Variants in GCNT4 observed in about 807,000 individuals in gnomAD.
The protein encoded by GCNT4 is glucosaminyl (N-acetyl) transferase 4.
Under a neutral mutation model 31.3 loss-of-function variants are expected in GCNT4, and 17 were observed. The ratio of observed to expected loss-of-function variants is 0.54; its 90% CI spans 0.37 to 0.81. GCNT4 has a LOEUF of 0.81. Ranked by LOEUF, GCNT4 falls within the 40% of genes least tolerant of loss-of-function variation. The pLI is 0.00. For synonymous variants in GCNT4, 158 were observed against 190.6 expected (o/e 0.83, Z 1.41); for missense variants, 503 against 525.5 (o/e 0.96, Z 0.42).
rs1041701406 is a variant in GCNT4, at chr5:75,027,269, A to G, written c.*1407T>C. On this transcript the variant is annotated 3_prime_UTR_variant, in exon 4 of 4. Transcript: ENST00000652361. ...TCCATTATATATATAATATATATTC[A>G]TTATATGTTATATAATATATATTTA... The G allele has an allele frequency of 2.1e-5, 3 of 140,894 alleles. No individual in the cohort carries two copies. The highest frequency in any genetic ancestry group is 3.1e-5 in the Non-Finnish European group (2 of 65,196). The allele number at this position is 140,894 out of a possible 1,614,324, so 8.7% of individuals were successfully genotyped here.
intron 3 of GCNT4, among the ~76,000 whole-genome samples, chr5:75,039,308 G>A (rs1436607008): frequency 6.6e-6 from 1 of 152,108 alleles, no homozygotes; most frequent in African/African-American, 2.4e-5. Context: ...TGGCCAGGTT[G>A]GTCTCGAACT....
At chr5:75,032,087 G>A (rs1351004691) in intron 3 of GCNT4, among the ~76,000 whole-genome samples, 3 of 151,980 alleles carry the variant, frequency 2.0e-5, no homozygotes, top group Admixed American at 1.3e-4. Context: ...ATTCACCTCC[G>A]CTTAAATCCC....
chr5:75,053,542 G>C (rs187177008), upstream of GCNT4, among the ~76,000 whole-genome samples: 68 of 152,228 alleles, frequency 4.5e-4, no homozygotes, highest in African/African-American at 1.1e-3. Flanking sequence ...CCCCGAACGC[G>C]GGGTCCGTGC....
rs748018611 is a variant in GCNT4, at chr5:75,028,949, C to A, written c.1089G>T (p.Gln363His). ...SRSAQDVSDL[Q>H]SKTRLVKWNY... is the part of the protein sequence containing the mutation. ...TCCACTTGACAAGGCGAGTCTTACT[C>A]TGCAGATCAGACACATCCTGGGCTG... Residue 363 changes from glutamine to histidine, a missense_variant, in exon 4 of 4, where the codon CAG becomes CAT. Physicochemically the swap from Gln to His is conservative, Grantham distance 24. Coordinates refer to ENST00000652361, the MANE Select transcript of GCNT4 (RefSeq NM_001366737.1). The A allele has an allele frequency of 6.2e-7, 1 of 1,613,938 alleles. No individual in the cohort carries two copies. Among genetic ancestry groups the A allele is most frequent in the African/African-American group, 1.3e-5 (1 of 75,034 alleles).
intron 2 of GCNT4, among the ~76,000 whole-genome samples, chr5:75,049,378 A>ATAAAGGTACCTT: frequency 6.6e-6 from 1 of 152,308 alleles, no homozygotes; most frequent in Non-Finnish European, 1.5e-5. Flanking sequence ...TTATCAAATG[A>ATAAAGGTACCTT]TATCTGGCTC....
intron 3 of GCNT4, among the ~76,000 whole-genome samples, chr5:75,044,734 T>C (rs537049997): frequency 6.6e-6 from 1 of 152,050 alleles, no homozygotes; most frequent in Admixed American, 6.6e-5. Context: ...TTCTGCGGGG[T>C]AGACTGGTAC....
chr5:75,032,490 A>C (rs1192630656), intron 3 of GCNT4, among the ~76,000 whole-genome samples: 2 of 152,082 alleles, frequency 1.3e-5, no homozygotes, highest in East Asian at 3.9e-4. Context: ...AGAGTTACCC[A>C]ACTTGTCCAT....
upstream of GCNT4, among the ~76,000 whole-genome samples, chr5:75,053,798 C>G (rs1743647110): frequency 6.6e-6 from 1 of 152,276 alleles, no homozygotes; most frequent in Non-Finnish European, 1.5e-5. Flanking sequence ...GGACAAAGTT[C>G]TCAGGCGCGC....
At chr5:75,024,652 C>A (rs1294393380), downstream of GCNT4, among the ~76,000 whole-genome samples, 1 of 152,118 alleles carries the variant, frequency 6.6e-6, no homozygotes, top group Admixed American at 6.5e-5. Context: ...ACAACCAAGG[C>A]AGGAGTCCTT....
intron 3 of GCNT4, among the ~76,000 whole-genome samples, chr5:75,038,548 G>A (rs1743249441): frequency 6.6e-6 from 1 of 152,180 alleles, no homozygotes; most frequent in Non-Finnish European, 1.5e-5. Flanking sequence ...TAGAAGCTGG[G>A]AAGTCCAAGA....
At chr5:75,041,600 A>G (rs1486451065) in intron 3 of GCNT4, among the ~76,000 whole-genome samples, 1 of 152,236 alleles carries the variant, frequency 6.6e-6, no homozygotes, top group African/African-American at 2.4e-5. Context: ...GTAAGATTAC[A>G]TGGGAAATGA....
intron 3 of GCNT4, among the ~76,000 whole-genome samples, chr5:75,035,094 G>A (rs1228051853): frequency 4.9e-5 from 7 of 141,984 alleles, no homozygotes; most frequent in Non-Finnish European, 1.1e-4. Flanking sequence ...AAGCGGACAC[G>A]ACCGCATTCA....
Position 75,029,869 on chromosome 5 carries a change from T to G in GCNT4, c.169A>C (p.Arg57=), listed in dbSNP as rs533882672. Residue 57 remains arginine, a synonymous_variant, in exon 4 of 4, where the codon AGA becomes CGA. Coordinates refer to ENST00000652361, the MANE Select transcript of GCNT4 (RefSeq NM_001366737.1). ...EYSLSTSPFV[R]NRYTHVKDEV... ...TCCTTAACATGAGTGTATCTGTTTC[T>G]TACAAAAGGCGAGGTACTTAGGGAG... 1 of 1,614,180 alleles carries G rather than the reference T, an allele frequency of 6.2e-7. No individual in the cohort carries two copies. The highest frequency in any genetic ancestry group is 1.1e-5 in the South Asian group (1 of 91,074).
At position 75,029,179 on chromosome 5, in the gene GCNT4, T is replaced by C; in HGVS notation, c.859A>G (p.Ile287Val). ...TTATGGGGGGGTGCTTCCTTGGAGA[T>C]GTTTGTCCTTATTGGTAGCTTCACA... The part of the protein sequence containing the change: ...EYVKLPIRTN[I>V]SKEAPPHNIQ... The change falls in exon 4 of 4, where the codon ATC becomes GTC. Residue 287 changes from isoleucine to valine, a missense_variant. Ile to Val is a conservative substitution (Grantham distance 29). Coordinates refer to ENST00000652361, the MANE Select transcript of GCNT4 (RefSeq NM_001366737.1). 6.2e-7 allele frequency: 1 copy of C among 1,613,946 alleles called. No homozygotes were observed. Among genetic ancestry groups the C allele is most frequent in the South Asian group, 1.1e-5 (1 of 91,086 alleles).
In GCNT4 at chr5:75,029,717, G is replaced by A; in HGVS notation, c.321C>T (p.Thr107=). 2 of 1,614,062 alleles carry A rather than the reference G, an allele frequency of 1.2e-6. No homozygotes were observed. Among genetic ancestry groups the A allele is most frequent in the Non-Finnish European group, 1.7e-6 (2 of 1,180,008 alleles). ...GAGTCTGATAAATGTCACAATCACT[G>A]GTCATTGCCACAACATCATCATCCT... is the stretch of plus-strand genomic sequence containing the variant. The part of the protein sequence containing the change: ...DLEDDDVVAM[T]SDCDIYQTLR... The change falls in exon 4 of 4, where the codon ACC becomes ACT. Residue 107 remains threonine (T), a synonymous_variant. Coordinates refer to ENST00000652361, the MANE Select transcript of GCNT4 (RefSeq NM_001366737.1).
At chr5:75,038,794 AAC>A (rs1743254418) in intron 3 of GCNT4, among the ~76,000 whole-genome samples, 1 of 152,210 alleles carries the variant, frequency 6.6e-6, no homozygotes, top group South Asian at 2.1e-4. Context: ...ATTAAATTTC[AAC>A]ACATGAATTT....
intron 3 of GCNT4, 88 bp from the exon 4 acceptor site, chr5:75,030,126 A>G: frequency 8.1e-7 from 1 of 1,230,256 alleles, no homozygotes; most frequent in South Asian, 1.5e-5. Context: ...CCTACCACAT[A>G]CTAGGCAAAT....
At chr5:75,046,123 T>C (rs929366511) in intron 3 of GCNT4, among the ~76,000 whole-genome samples, 8 of 152,206 alleles carry the variant, frequency 5.3e-5, no homozygotes, top group Non-Finnish European at 1.2e-4. Context: ...ACATTGTAAC[T>C]CTGCAACCTA....
chr5:75,035,500 C>T (rs1020636362), intron 3 of GCNT4, among the ~76,000 whole-genome samples: 33 of 152,184 alleles, frequency 2.2e-4, no homozygotes, highest in African/African-American at 7.7e-4. Flanking sequence ...AGTCCCTGGA[C>T]GAACTCTTAG....
Sources: gnomAD v4.1 joint callset for allele counts (sites outside exome capture counted in the v4.1 genomes callset) on GRCh38, gnomAD v4.1.1 for gene constraint, MANE v1.5 for transcripts, NCBI Gene and HGNC (gene_info 2026-07-23, HGNC 2026-07-21) for gene names.